PCSK5: variants seen among roughly 807,000 people sequenced by gnomAD.
The protein encoded by PCSK5 is prohormone convertase 5.
In PCSK5, 129 loss-of-function variants were observed where a neutral mutation model predicts 233.2. The ratio of observed to expected loss-of-function variants is 0.55; its 90% CI spans 0.48 to 0.64. The LOEUF (loss-of-function observed/expected upper bound fraction) is 0.64. Ranked by LOEUF, PCSK5 falls within the 30% of genes least tolerant of loss-of-function variation. The pLI is 0.00. For missense variants in PCSK5, 2,076 were observed against 2,430.1 expected (o/e 0.85, Z 3.06); for synonymous variants, 825 against 879.2 (o/e 0.94, Z 1.09).
chr9:76,316,248 A>C (rs1415229265), intron 30 of PCSK5, among the ~76,000 whole-genome samples: 2 of 152,028 alleles, frequency 1.3e-5, no homozygotes, highest in Non-Finnish European at 2.9e-5. Context: ...CCCCACTCTG[A>C]GTCATCCCAG....
chr9:76,308,854 C>G (rs186511491), intron 29 of PCSK5, 126 bp downstream of exon 29: 75 of 631,760 alleles, frequency 1.2e-4, no homozygotes, highest in African/African-American at 1.2e-3. Context: ...GTTCCTATTA[C>G]AGTGGCTACT....
chr9:76,275,576 C>T (rs958699149), intron 24 of PCSK5, among the ~76,000 whole-genome samples: 3 of 152,102 alleles, frequency 2.0e-5, no homozygotes, highest in African/African-American at 7.2e-5. Context: ...AGGCATGCAC[C>T]ACCACACCTG....
At chr9:75,953,801 T>C (rs1824974215) in intron 2 of PCSK5, among the ~76,000 whole-genome samples, 1 of 151,644 alleles carries the variant, frequency 6.6e-6, no homozygotes, top group African/African-American at 2.4e-5. Flanking sequence ...TAAGTCAGAG[T>C]AATTAGACCT....
chr9:75,909,707 T>C (rs1404478222), intron 1 of PCSK5, among the ~76,000 whole-genome samples: 1 of 152,026 alleles, frequency 6.6e-6, no homozygotes, highest in Admixed American at 6.6e-5. Flanking sequence ...AGAAAAAAAA[T>C]GCCCTCAGAA....
At chr9:76,020,668 A>G (rs1041583860) in intron 3 of PCSK5, among the ~76,000 whole-genome samples, 9 of 152,246 alleles carry the variant, frequency 5.9e-5, no homozygotes, top group Non-Finnish European at 1.3e-4. Flanking sequence ...GTCAGATTCA[A>G]CAGAAGCAGA....
In PCSK5 at chr9:76,304,581, A is replaced by G. The variant is rs1365481732; in HGVS notation, c.3604+2364A>G. On this transcript the variant is annotated intron_variant, in intron 28 of 37. Transcript: ENST00000674117. ...TATTATCTCATTTAGTCTTCACAAC[A>G]ATCCTATAAGGGCAGAATTATTTTC... 2.7e-5 allele frequency among the ~76,000 whole-genome samples: 4 copies of G among 149,654 alleles called. No homozygotes were observed. The East Asian group carries it at 8.0e-4, about 30-fold the overall frequency.
At chr9:76,010,628 T>A (rs1827690833) in intron 3 of PCSK5, among the ~76,000 whole-genome samples, 1 of 152,214 alleles carries the variant, frequency 6.6e-6, no homozygotes, top group Non-Finnish European at 1.5e-5. Flanking sequence ...TTTTTCCACT[T>A]TGGAAAGCTC....
At chr9:76,064,694 C>T (rs1287076414) in intron 5 of PCSK5, among the ~76,000 whole-genome samples, 19 of 145,262 alleles carry the variant, frequency 1.3e-4, no homozygotes, top group African/African-American at 4.1e-4. Context: ...ACTTCTCAGA[C>T]GGGGCGGCCG....
chr9:76,032,524 T>TA (rs1828692246), intron 5 of PCSK5, among the ~76,000 whole-genome samples: 1 of 152,130 alleles, frequency 6.6e-6, no homozygotes, highest in African/African-American at 2.4e-5. Flanking sequence ...ACAAAAGTTA[T>TA]AAAAATCCCT....
At position 76,328,223 on chromosome 9, in the gene PCSK5, G is replaced by GA. The variant is rs1273609731; in HGVS notation, c.4556dup (p.Asn1519LysfsTer21). ...AGGACCAGTGTCAAACATGCCCCAT[G>GA]AACAGCCTTCTTCTCAGTGAGTTAC... On this transcript the variant is annotated frameshift_variant, in exon 33 of 38. Transcript: ENST00000674117. LOFTEE classifies it high-confidence loss of function. 6.2e-7 allele frequency: 1 copy of GA among 1,611,980 alleles called. No homozygotes were observed. Among genetic ancestry groups the GA allele is most frequent in the Admixed American group, 1.7e-5 (1 of 60,012 alleles).
intron 3 of PCSK5, among the ~76,000 whole-genome samples, chr9:76,014,562 C>A (rs1041106941): frequency 2.6e-5 from 4 of 152,182 alleles, no homozygotes; most frequent in African/African-American, 9.7e-5. Flanking sequence ...ACAGTATTTG[C>A]TTCTGTCATG....
intron 37 of PCSK5, among the ~76,000 whole-genome samples, chr9:76,354,570 A>T (rs900532082): frequency 6.6e-6 from 1 of 152,084 alleles, no homozygotes; most frequent in Non-Finnish European, 1.5e-5. Context: ...GCTTGAGTCT[A>T]GGAGCTTGAG....
chr9:75,931,435 A>C (rs546031664), intron 1 of PCSK5, among the ~76,000 whole-genome samples: 1 of 152,254 alleles, frequency 6.6e-6, no homozygotes, highest in Admixed American at 6.5e-5. Context: ...GTGGTCTTGG[A>C]AATTAACTAG....
intron 23 of PCSK5, 129 bp downstream of exon 23, chr9:76,239,294 C>T (rs1171947906): frequency 8.5e-6 from 6 of 708,716 alleles, no homozygotes; most frequent in East Asian, 8.1e-5. Context: ...TGGGTGACTC[C>T]CAACCCTAGT....
intron 2 of PCSK5, among the ~76,000 whole-genome samples, chr9:75,952,097 G>A (rs576112895): frequency 5.3e-5 from 8 of 152,046 alleles, no homozygotes; most frequent in East Asian, 1.9e-4. Context: ...GCACCTATCC[G>A]TCTTTATCCA....
intron 20 of PCSK5, among the ~76,000 whole-genome samples, chr9:76,213,130 C>G (rs1286196100): frequency 6.6e-6 from 1 of 152,222 alleles, no homozygotes; most frequent in Non-Finnish European, 1.5e-5. Flanking sequence ...CTACTCAAAA[C>G]CATGCGTCCA....
At chr9:76,096,182 T>TAC in intron 8 of PCSK5, 80 bp downstream of exon 8, 1 of 716,464 alleles carries the variant, frequency 1.4e-6, no homozygotes, top group Non-Finnish European at 2.3e-6. Context: ...CATAAACATA[T>TAC]ATATATATAC....
At chr9:76,016,866 T>G (rs1307332800) in intron 3 of PCSK5, among the ~76,000 whole-genome samples, 1 of 152,174 alleles carries the variant, frequency 6.6e-6, no homozygotes, top group Admixed American at 6.5e-5. Flanking sequence ...TAACCCTCAA[T>G]TATGAGTAGA....
intron 23 of PCSK5, 129 bp from the exon 24 acceptor site, chr9:76,240,487 G>C: frequency 1.5e-6 from 1 of 667,270 alleles, no homozygotes; most frequent in Non-Finnish European, 2.7e-6. Context: ...CCTCGAGGAC[G>C]GTTTTGGGCT....
Sources: gnomAD v4.1 joint callset for allele counts (sites outside exome capture counted in the v4.1 genomes callset) on GRCh38, gnomAD v4.1.1 for gene constraint, MANE v1.5 for transcripts, NCBI Gene and HGNC (gene_info 2026-07-23, HGNC 2026-07-21) for gene names.